Variants in ITIH1 observed in about 807,000 individuals in gnomAD.
The protein encoded by ITIH1 is inter-alpha-trypsin inhibitor heavy chain 1.
A neutral mutation model predicts 104.6 loss-of-function variants in ITIH1; 94 were observed. That is an observed-to-expected ratio of 0.90 (90% CI 0.76 to 1.07). The LOEUF is 1.07. Among genes scored for constraint, ITIH1 ranks in the 50% least tolerant of loss-of-function variants. The pLI is 0.00. For missense variants in ITIH1, 1,193 were observed against 1,181.4 expected (o/e 1.01, Z -0.14); for synonymous variants, 455 against 464.4 (o/e 0.98, Z 0.26).
At chr3:52,782,863 T>A in intron 8 of ITIH1, 94 bp from the exon 9 acceptor site, 1 of 1,243,112 alleles carries the variant, frequency 8.0e-7, no homozygotes, top group Non-Finnish European at 1.1e-6. Flanking sequence ...TTGTCCACCC[T>A]GTGGATCTCT....
At position 52,779,226 on chromosome 3, in the gene ITIH1, C is replaced by G; in HGVS notation, c.410+180C>G. Among the ~76,000 whole-genome samples, 1 of 152,210 alleles carries G rather than the reference C, an allele frequency of 6.6e-6. No homozygotes were observed. The highest frequency in any genetic ancestry group is 1.9e-4 in the East Asian group (1 of 5,196). ...AGGCTGCCGTGCAGTTGCCCTTTTC[C>G]CAGATATGCCACTGGGAGAAGTGGG... On this transcript the variant is annotated intron_variant, in intron 4 of 21. Transcript: ENST00000273283. The surrounding 1 kb of genome is among the most constrained non-coding windows in gnomAD (Gnocchi z 4.4).
chr3:52,786,640 C>A (rs1699211276), intron 13 of ITIH1, among the ~76,000 whole-genome samples: 1 of 152,246 alleles, frequency 6.6e-6, no homozygotes, highest in Non-Finnish European at 1.5e-5. Flanking sequence ...TATTTACCCA[C>A]ACTCAGCACA....
rs1185171447 is a variant in ITIH1 at position 52,790,881 on chromosome 3, G to A, written c.2454G>A (p.Leu818=). Residue 818 remains leucine (L), a synonymous_variant, in exon 20 of 22, where the codon CTG becomes CTA. Transcript: ENST00000273283. ...VHQDFLGFYV[L]DSHRMSARTH... The stretch of plus-strand genomic sequence containing the variant: ...AGGACTTCCTGGGCTTCTATGTGCT[G>A]GACAGTCATCGGATGTCAGCCCGGA... 8 of 1,611,340 alleles carry A rather than the reference G, an allele frequency of 5.0e-6. No homozygotes were observed. The highest frequency in any genetic ancestry group is 6.8e-6 in the Non-Finnish European group (8 of 1,179,080).
intron 2 of ITIH1, 22 bp from the exon 3 acceptor site, chr3:52,778,318 G>A (rs1698953764): frequency 6.2e-7 from 1 of 1,613,072 alleles, no homozygotes; most frequent in Non-Finnish European, 8.5e-7. Context: ...TCAGGCCACA[G>A]CTCCTTCATG....
intron 2 of ITIH1, 114 bp from the exon 3 acceptor site, chr3:52,778,226 T>C: frequency 6.7e-6 from 8 of 1,198,172 alleles, no homozygotes; most frequent in Non-Finnish European, 9.8e-6. Flanking sequence ...GGTCTGTTCT[T>C]CCTGCATCTG....
At chr3:52,777,816 G>T in intron 1 of ITIH1, 84 bp downstream of exon 1, 2 of 1,390,352 alleles carry the variant, frequency 1.4e-6, no homozygotes, top group Admixed American at 3.5e-5. Flanking sequence ...CCATTCAAGG[G>T]GCCAGGGTCA....
At position 52,791,516 on chromosome 3, in the gene ITIH1, G is replaced by A. The variant is rs1699355028; in HGVS notation, c.2495-1G>A. On this transcript the variant is annotated splice_acceptor_variant, in intron 20 of 21. Transcript: ENST00000273283. LOFTEE classifies it high-confidence loss of function. ...CCGCTGTCTCCAATGTGCCTTTCTA[G>A]GGCAATTTTTCCACCCCATCGGTTT... is the stretch of plus-strand genomic sequence containing the variant. 5 of 1,613,356 alleles carry A rather than the reference G, an allele frequency of 3.1e-6. No homozygotes were observed. Among genetic ancestry groups the A allele is most frequent in the Admixed American group, 1.7e-5 (1 of 59,992 alleles).
At chr3:52,778,778 C>A (rs1559459941) in intron 3 of ITIH1, 164 bp from the exon 4 acceptor site, 2 of 1,138,718 alleles carry the variant, frequency 1.8e-6, no homozygotes, top group Non-Finnish European at 1.2e-6. Context: ...GGCCTCTGAC[C>A]TGGGCTGCTC....
At chr3:52,787,832 G>A (rs539550202) in intron 16 of ITIH1, 154 bp from the exon 17 acceptor site, 48 of 926,930 alleles carry the variant, frequency 5.2e-5, no homozygotes, top group South Asian at 1.5e-4. Context: ...CCCGTGTCCC[G>A]GGAGCCAATC....
At chr3:52,778,152 C>T (rs1040482764) in intron 2 of ITIH1, 135 bp downstream of exon 2, 6 of 1,181,020 alleles carry the variant, frequency 5.1e-6, no homozygotes, top group African/African-American at 3.0e-5. Context: ...GAAATGGGGA[C>T]TTGTTCCCAT....
intron 8 of ITIH1, among the ~76,000 whole-genome samples, chr3:52,782,529 C>A (rs1300175770): frequency 6.6e-6 from 1 of 152,024 alleles, no homozygotes; most frequent in African/African-American, 2.4e-5. Flanking sequence ...ATGGAGTTAC[C>A]CCCTGGGGGA....
At chr3:52,784,170 G>A in intron 10 of ITIH1, 126 bp from the exon 11 acceptor site, 1 of 796,864 alleles carries the variant, frequency 1.3e-6, no homozygotes, top group Non-Finnish European at 2.0e-6. Flanking sequence ...GCCTCAGGAT[G>A]CCCAGGAGCC....
rs776201371 is a variant in ITIH1 at position 52,791,938 on chromosome 3, C to T, written c.*27C>T. The T allele has an allele frequency of 3.1e-6, 5 of 1,598,250 alleles. No homozygotes were observed. Among genetic ancestry groups the T allele is most frequent in the Non-Finnish European group, 4.3e-6 (5 of 1,171,198 alleles). On this transcript the variant is annotated 3_prime_UTR_variant, in exon 22 of 22. Transcript: ENST00000273283. ...CCCTCTGGCCAGCACGCCTGTCCTCCCCCGGGGCCAAGGCAGAGGAGGAGG... is the reference window on the plus strand; with the variant it reads ...CCCTCTGGCCAGCACGCCTGTCCTCTCCCGGGGCCAAGGCAGAGGAGGAGG...
intron 19 of ITIH1, 48 bp from the exon 20 acceptor site, chr3:52,790,701 G>A (rs1452096177): frequency 1.3e-6 from 2 of 1,584,314 alleles, no homozygotes; most frequent in Admixed American, 1.8e-5. Flanking sequence ...TGAATGGAGA[G>A]GGATGCAGTG....
intron 8 of ITIH1, 108 bp downstream of exon 8, chr3:52,782,375 T>C: frequency 1.2e-6 from 1 of 826,574 alleles, no homozygotes. Context: ...ATCCTCCTGG[T>C]CAGAGGCAGA....
Position 52,777,691 on chromosome 3 carries a change from C to A in ITIH1, c.76C>A (p.Pro26Thr). The change falls in exon 1 of 22, where the codon CCT becomes ACT. Residue 26 changes from proline to threonine, a missense_variant. By Grantham distance (38) the Pro-to-Thr change is conservative. Coordinates refer to ENST00000273283, the MANE Select transcript of ITIH1 (RefSeq NM_002215.4). ...ATCTCTCCTCATCCTGCAGGCCATG[C>A]CTGCCCTGGGCTCGGCTACAGGCAG... ...LVSLLILQAM[P>T]ALGSATGRSK... 6.2e-7 allele frequency: 1 copy of A among 1,604,322 alleles called. No individual in the cohort carries two copies.
rs1006398489 is a variant in ITIH1 at position 52,779,759 on chromosome 3, T to C, written c.573+165T>C. ...GATGTGCTCTTCTTGGGCAGGGAAC[T>C]CCCTGAATTCTCTAACTTCCTCTTT... On this transcript the variant is annotated intron_variant, in intron 5 of 21. Coordinates refer to ENST00000273283, the MANE Select transcript of ITIH1 (RefSeq NM_002215.4). This position sits in a 1 kb window ranked among gnomAD's most constrained non-coding sequence, Gnocchi z 4.4. The C allele has an allele frequency of 2.4e-5, 25 of 1,031,830 alleles. No homozygotes were observed. Among genetic ancestry groups the C allele is most frequent in the Non-Finnish European group, 3.5e-5 (25 of 705,304 alleles). 63.9% of individuals were successfully genotyped at this position (1,031,830 alleles called of 1,614,324 possible).
rs780708126 is a variant in ITIH1, at chr3:52,783,104, C to G, written c.1078C>G (p.Arg360Gly). 6 of 1,614,054 alleles carry G rather than the reference C, an allele frequency of 3.7e-6. No individual in the cohort carries two copies. The highest frequency in any genetic ancestry group is 5.1e-6 in the Non-Finnish European group (6 of 1,179,994). ...CCTACAAGCAGCTCAAGACTTTGTG[C>G]GGGGCTTTTCCCTGGATGAGGGTAA... ...ANLQAAQDFVRGFSLDEATNL... is the reference protein window; with the variant it reads ...ANLQAAQDFVGGFSLDEATNL... Residue 360 changes from arginine to glycine, a missense_variant, in exon 9 of 22, where the codon CGG (arginine) becomes GGG (glycine). Physicochemically the swap from Arg to Gly is moderately radical, Grantham distance 125. Transcript: ENST00000273283.
chr3:52,791,067 G>C, intron 20 of ITIH1, 146 bp downstream of exon 20: 1 of 784,742 alleles, frequency 1.3e-6, no homozygotes, highest in Non-Finnish European at 2.0e-6. Context: ...AGCCGTCTGA[G>C]GGGCTGTGTT....
Sources: allele counts gnomAD v4.1 joint callset (sites outside exome capture counted in the v4.1 genomes callset), GRCh38; gene constraint gnomAD v4.1.1; non-coding constraint Gnocchi (gnomAD v3.1); transcripts MANE v1.5; gene names NCBI Gene and HGNC (gene_info 2026-07-23, HGNC 2026-07-21).